The following ZNF239 variants were observed in gnomAD, a reference collection of about 807,000 sequenced individuals.
ZNF239 encodes zinc finger protein (C2H2) homologous to mouse MOK-2.
Under a neutral mutation model 27.5 loss-of-function variants are expected in ZNF239, and 16 were observed. The observed-to-expected ratio is 0.58, with a 90% confidence interval of 0.39 to 0.88. The LOEUF is 0.88. Among genes scored for constraint, ZNF239 ranks in the 40% least tolerant of loss-of-function variants. The pLI, the probability that ZNF239 is intolerant of heterozygous loss-of-function variation, is 0.00. For missense variants in ZNF239, 527 were observed against 551.9 expected, an observed-to-expected ratio of 0.95 and a Z score of 0.45; for synonymous variants, 199 against 192.6, an observed-to-expected ratio of 1.03 and a Z score of -0.27.
At chr10:43,567,840 G>A in intron 3 of ZNF239, 59 bp downstream of exon 3, 1 of 904,104 alleles carries the variant, frequency 1.1e-6, no homozygotes, top group South Asian at 5.1e-5. Context: ...GTGTCAAAAA[G>A]GAAGTAGGAA....
At chr10:43,566,034 A>G (rs1837625535) in intron 3 of ZNF239, among the ~76,000 whole-genome samples, 1 of 152,302 alleles carries the variant, frequency 6.6e-6, no homozygotes, top group African/African-American at 2.4e-5. Flanking sequence ...TGAAAGAGAC[A>G]AAAGTTCAGT....
intron 3 of ZNF239, chr10:43,564,270 C>T (rs1351430065): frequency 2.0e-6 from 2 of 984,134 alleles, no homozygotes; most frequent in Non-Finnish European, 1.2e-6. Flanking sequence ...CCATTCTTCA[C>T]AGGACTTACT....
intron 3 of ZNF239, among the ~76,000 whole-genome samples, chr10:43,565,817 GAAAAAAAAAAAAAAAAAAAA>G (rs36039838): frequency 6.0e-5 from 4 of 67,140 alleles, no homozygotes; most frequent in Admixed American, 2.7e-4. Context: ...TCCATCTCAA[GAAAAAAAAAAAAAAAAAAAA>G]AAAAAAAAGA....
intron 3 of ZNF239, among the ~76,000 whole-genome samples, chr10:43,560,785 GAC>G (rs1837188169): frequency 2.0e-5 from 3 of 151,804 alleles, no homozygotes; most frequent in South Asian, 4.2e-4. Flanking sequence ...ATGGGTTGAG[GAC>G]ACACTCCAAT....
rs1216310730 is a variant in ZNF239, at chr10:43,558,021, TCCACTTCC to T, written c.51_58del (p.Glu18TrpfsTer4). ...GGAAATATCTAGTTCAGGCTCCCCA[TCCACTTCC>T]CCTCGATGATTCACAATACAATCCT... On this transcript the variant is annotated frameshift_variant, in exon 4 of 4. Transcript: ENST00000374446. LOFTEE classifies it low-confidence loss of function (END_TRUNC). 1 of 1,614,158 alleles carries T rather than the reference TCCACTTCC, an allele frequency of 6.2e-7. No homozygotes were observed. The highest frequency in any genetic ancestry group is 8.5e-7 in the Non-Finnish European group (1 of 1,180,026).
Position 43,557,571 on chromosome 10 carries a change from T to G in ZNF239, c.509A>C (p.Gln170Pro). 6.2e-7 allele frequency: 1 copy of G among 1,614,182 alleles called. No homozygotes were observed. The highest frequency in any genetic ancestry group is 8.5e-7 in the Non-Finnish European group (1 of 1,180,030). ...GGGTTTCTCCTCTGTATGAGCTCTC[T>G]GCTGACTACAACTGACCACCTGTGA... is the stretch of plus-strand genomic sequence containing the variant. ...WKSQVVSCSQ[Q>P]RAHTEEKPCD... The change falls in exon 4 of 4, where the codon CAG becomes CCG. Residue 170 changes from glutamine (Q) to proline (P), a missense_variant. Coordinates refer to ENST00000374446, the MANE Select transcript of ZNF239 (RefSeq NM_001099282.2).
At chr10:43,567,375 T>C (rs757051117) in intron 3 of ZNF239, among the ~76,000 whole-genome samples, 12 of 150,354 alleles carry the variant, frequency 8.0e-5, no homozygotes, top group Non-Finnish European at 1.6e-4. Context: ...AAGGCAGGAG[T>C]ACAGAGAAGC....
chr10:43,574,343 C>G (rs959677328), intron 1 of ZNF239, among the ~76,000 whole-genome samples, 197 bp downstream of exon 1: 1 of 152,176 alleles, frequency 6.6e-6, no homozygotes, highest in African/African-American at 2.4e-5. Context: ...AGCCCGGCCC[C>G]GGGGGCGCAG....
At position 43,558,146 on chromosome 10, in the gene ZNF239, C is replaced by T; in HGVS notation, c.-67G>A. ...CCTGAAGTGTTTTCTGCTGAAGATT[C>T]TCCACAGAATTTTCATTCAAGTCTC... On this transcript the variant is annotated 5_prime_UTR_variant, in exon 4 of 4. Transcript: ENST00000374446. The T allele has an allele frequency of 1.3e-6, 2 of 1,503,902 alleles. No homozygotes were observed. Among genetic ancestry groups the T allele is most frequent in the Admixed American group, 2.4e-5 (1 of 42,382 alleles). The allele number at this position is 1,503,902 out of a possible 1,614,324, so 93.2% of individuals were successfully genotyped here. A position where few individuals can be genotyped will look rare whatever the true frequency, so the allele number is the denominator to read the frequency against.
In ZNF239 at chr10:43,557,565, G is replaced by C. The variant is rs2230660; in HGVS notation, c.515C>G (p.Ala172Gly). The change falls in exon 4 of 4, where the codon GCT becomes GGT. Residue 172 changes from alanine to glycine, a missense_variant. Ala to Gly is a moderately conservative substitution (Grantham distance 60, BLOSUM62 0). Transcript: ENST00000374446. ...GTCACAGGGTTTCTCCTCTGTATGAGCTCTCTGCTGACTACAACTGACCAC... is the reference window on the plus strand; with the variant it reads ...GTCACAGGGTTTCTCCTCTGTATGACCTCTCTGCTGACTACAACTGACCAC... ...SQVVSCSQQR[A>G]HTEEKPCDHN... 0.54 allele frequency: 871,197 copies of C among 1,613,678 alleles called. 236,324 individuals carry two copies. Among genetic ancestry groups the C allele is most frequent in the South Asian group, 0.61 (55,412 of 91,060 alleles).
intron 3 of ZNF239, among the ~76,000 whole-genome samples, chr10:43,559,244 T>C (rs1837042519): frequency 6.6e-6 from 1 of 152,160 alleles, no homozygotes; most frequent in South Asian, 2.1e-4. Context: ...TATTAAAGAA[T>C]TTTAATTCAG....
intron 3 of ZNF239, among the ~76,000 whole-genome samples, chr10:43,562,731 C>T (rs892113146): frequency 6.6e-6 from 1 of 152,018 alleles, no homozygotes; most frequent in Non-Finnish European, 1.5e-5. Context: ...CTTGTTTTAC[C>T]CAGGTGAGTG....
Position 43,557,738 on chromosome 10 carries a change from C to T in ZNF239, c.342G>A (p.Glu114=). ...CAGACACCAGTTTAACTTGAAGGTT[C>T]TCTGAACAACTTTCCCCCTTTATCA... The part of the protein sequence containing the change: ...RKVIKGESCS[E]NLQVKLVSDG... Residue 114 remains glutamate, a synonymous_variant, in exon 4 of 4, where the codon GAG becomes GAA. Transcript: ENST00000374446. The T allele has an allele frequency of 6.2e-7, 1 of 1,614,112 alleles. No homozygotes were observed. The highest frequency in any genetic ancestry group is 2.2e-5 in the East Asian group (1 of 44,880).
chr10:43,558,120 TC>T lies in ZNF239; in HGVS notation c.-42del. On this transcript the variant is annotated 5_prime_UTR_variant, in exon 4 of 4. The change creates a premature stop within an existing upstream ORF in the 5' untranslated region. Coordinates refer to ENST00000374446, the MANE Select transcript of ZNF239 (RefSeq NM_001099282.2). ...CCAGGAGGAAAGCTCATGTAACAGA[TC>T]CTGAAGTGTTTTCTGCTGAAGATTC... The T allele has an allele frequency of 6.4e-7, 1 of 1,566,596 alleles. No homozygotes were observed. Among genetic ancestry groups the T allele is most frequent in the Non-Finnish European group, 8.6e-7 (1 of 1,156,788 alleles).
At chr10:43,564,288 T>TA in intron 3 of ZNF239, 1 of 984,282 alleles carries the variant, frequency 1.0e-6, no homozygotes, top group Non-Finnish European at 1.2e-6. Flanking sequence ...ACTGACCGTA[T>TA]AGTAACACTC....
intron 1 of ZNF239, 137 bp downstream of exon 1, chr10:43,574,403 T>TC (rs1364493377): frequency 6.6e-6 from 1 of 152,198 alleles, no homozygotes; most frequent in African/African-American, 2.4e-5. Context: ...GGGCCGCGCC[T>TC]CCGCTGGTCG....
chr10:43,563,820 G>C (rs1837442833), intron 3 of ZNF239, among the ~76,000 whole-genome samples: 1 of 151,894 alleles, frequency 6.6e-6, no homozygotes, highest in African/African-American at 2.4e-5. Flanking sequence ...TTGAGATGGG[G>C]TCACACAGTG....
At chr10:43,565,982 T>C (rs1206011286) in intron 3 of ZNF239, among the ~76,000 whole-genome samples, 2 of 151,960 alleles carry the variant, frequency 1.3e-5, no homozygotes, top group African/African-American at 4.8e-5. Flanking sequence ...AAACTGATAA[T>C]GGTAAATATG....
rs755934343 is a variant in ZNF239 at position 43,557,240 on chromosome 10, G to A, written c.840C>T (p.Ile280=). Residue 280 remains isoleucine (I), a synonymous_variant, in exon 4 of 4, where the codon ATC becomes ATT. Transcript: ENST00000374446. Reference sequence around the variant, plus strand: ...TTTCGCCTGTATGGACGGCATGATGGATGAGCAGACTTGAGCTCCTGGTGA... The same window carrying A: ...TTTCGCCTGTATGGACGGCATGATGAATGAGCAGACTTGAGCTCCTGGTGA... ...KGFTRSSSLL[I]HHAVHTGEKP... The A allele has an allele frequency of 1.7e-5, 27 of 1,613,788 alleles. No individual in the cohort carries two copies. In the South Asian group the frequency reaches 2.9e-4, roughly 17 times the overall value.
Sources: gnomAD v4.1 joint callset for allele counts (sites outside exome capture counted in the v4.1 genomes callset) on GRCh38, gnomAD v4.1.1 for gene constraint, MANE v1.5 for transcripts, NCBI Gene and HGNC (gene_info 2026-07-23, HGNC 2026-07-21) for gene names.